TRERF1: variants seen among roughly 807,000 people sequenced by gnomAD.
TRERF1 encodes the protein transcriptional-regulating factor 1.
A neutral mutation model predicts 122.9 loss-of-function variants in TRERF1; 27 were observed. The ratio of observed to expected loss-of-function variants is 0.22; its 90% CI spans 0.16 to 0.30. The LOEUF (loss-of-function observed/expected upper bound fraction) is 0.30. Among genes scored for constraint, TRERF1 ranks in the 10% least tolerant of loss-of-function variants. The pLI is 1.00. For missense variants in TRERF1, 1,248 were observed against 1,560.3 expected (o/e 0.80, Z 3.37); for synonymous variants, 636 against 641.7 (o/e 0.99, Z 0.13).
intron 3 of TRERF1, among the ~76,000 whole-genome samples, chr6:42,334,489 G>A (rs975727426): frequency 8.5e-5 from 13 of 152,190 alleles, no homozygotes; most frequent in East Asian, 3.8e-4. Flanking sequence ...AGGGCAAGTC[G>A]TGGTGATATT....
intron 2 of TRERF1, among the ~76,000 whole-genome samples, chr6:42,413,947 C>T (rs1168379622): frequency 2.0e-5 from 3 of 152,006 alleles, no homozygotes; most frequent in African/African-American, 4.8e-5. Flanking sequence ...GAAAATTTTT[C>T]GTGAAATTAA....
At chr6:42,317,475 C>T (rs1414408771) in intron 3 of TRERF1, among the ~76,000 whole-genome samples, 1 of 151,932 alleles carries the variant, frequency 6.6e-6, no homozygotes, top group East Asian at 1.9e-4. Context: ...CCACCTCAAC[C>T]TCTCAAGAAG....
chr6:42,354,155 T>C (rs1299075344), intron 3 of TRERF1, among the ~76,000 whole-genome samples: 1 of 152,142 alleles, frequency 6.6e-6, no homozygotes, highest in Non-Finnish European at 1.5e-5. Context: ...AGGGTGATTG[T>C]GTCAGTGCTT....
intron 2 of TRERF1, among the ~76,000 whole-genome samples, chr6:42,399,897 A>G (rs904927939): frequency 1.3e-5 from 2 of 151,916 alleles, no homozygotes; most frequent in African/African-American, 4.8e-5. Context: ...GAATGGAGAA[A>G]GTCACTTTTG....
At chr6:42,285,934 C>T (rs1783136832) in intron 4 of TRERF1, among the ~76,000 whole-genome samples, 1 of 150,914 alleles carries the variant, frequency 6.6e-6, no homozygotes, top group South Asian at 2.1e-4. Flanking sequence ...GGTACTGGTA[C>T]CAAAACAGAG....
At chr6:42,265,949 C>A in intron 5 of TRERF1, 152 bp from the exon 6 acceptor site, 1 of 767,646 alleles carries the variant, frequency 1.3e-6, no homozygotes, top group African/African-American at 1.7e-5. Context: ...CCACTCACTC[C>A]CTCACTCTTC....
intron 2 of TRERF1, among the ~76,000 whole-genome samples, chr6:42,433,566 C>T (rs1440781131): frequency 6.6e-6 from 1 of 152,156 alleles, no homozygotes; most frequent in African/African-American, 2.4e-5. Flanking sequence ...AATATACCAG[C>T]CTTAACTGAG....
intron 17 of TRERF1, among the ~76,000 whole-genome samples, chr6:42,229,279 A>G (rs931152271): frequency 6.6e-6 from 1 of 152,164 alleles, no homozygotes; most frequent in African/African-American, 2.4e-5. Flanking sequence ...CTAGGACTAC[A>G]GGTACATACC....
At chr6:42,382,036 T>C (rs1256762662) in intron 2 of TRERF1, among the ~76,000 whole-genome samples, 1 of 151,880 alleles carries the variant, frequency 6.6e-6, no homozygotes, top group Non-Finnish European at 1.5e-5. Flanking sequence ...GTGCTAATAG[T>C]ATTCCCATTT....
Position 42,268,649 on chromosome 6 carries a change from C to T in TRERF1, c.942G>A (p.Leu314=). The T allele has an allele frequency of 6.2e-7, 1 of 1,614,154 alleles. No homozygotes were observed. The highest frequency in any genetic ancestry group is 1.1e-5 in the South Asian group (1 of 91,090). ...TCTGCATTGAACCCTGCCGCTGCTGCAGCTGTAGCTGCTGCGGCTGCTGCT... is the reference window on the plus strand; with the variant it reads ...TCTGCATTGAACCCTGCCGCTGCTGTAGCTGTAGCTGCTGCGGCTGCTGCT... Residue 314 remains leucine, a synonymous_variant, in exon 5 of 18, where the codon CTG becomes CTA. Coordinates refer to ENST00000372922, the Ensembl canonical transcript of TRERF1. This position sits in a 1 kb window ranked among gnomAD's most constrained non-coding sequence, Gnocchi z 4.4.
intron 8 of TRERF1, among the ~76,000 whole-genome samples, chr6:42,262,220 AGGACTTGATATTAC>A: frequency 6.6e-6 from 1 of 151,956 alleles, no homozygotes; most frequent in Non-Finnish European, 1.5e-5. Context: ...TCTTCTTTTG[AGGACTTGATATTAC>A]ACCATAAAGG....
chr6:42,240,020 C>T (rs1368972330), intron 15 of TRERF1, among the ~76,000 whole-genome samples: 5 of 152,014 alleles, frequency 3.3e-5, no homozygotes, highest in Non-Finnish European at 5.9e-5. Context: ...CTCTTACCCT[C>T]TCCTCCTTAA....
intron 10 of TRERF1, 92 bp downstream of exon 10, chr6:42,258,043 C>T (rs1352015347): frequency 9.3e-7 from 1 of 1,077,210 alleles, no homozygotes; most frequent in Non-Finnish European, 1.4e-6. Context: ...TACAACTGCT[C>T]TCTCAGTGTA....
At chr6:42,408,931 A>C (rs1470549803) in intron 2 of TRERF1, among the ~76,000 whole-genome samples, 1 of 152,118 alleles carries the variant, frequency 6.6e-6, no homozygotes, top group Non-Finnish European at 1.5e-5. Flanking sequence ...GTTTTTCCCA[A>C]GAGCTATTTA....
At position 42,394,309 on chromosome 6, in the gene TRERF1, G is replaced by A. The variant is rs573916274; in HGVS notation, c.-453-31230C>T. Among the ~76,000 whole-genome samples the A allele has an allele frequency of 4.6e-5, 7 of 152,166 alleles. No homozygotes were observed. The South Asian group carries it at 1.2e-3, about 27-fold the overall frequency. ...ATCCCCGTGCCTCCTCCGTCAGCAGGCTATCCTGTCTACACCCTCCCCTGA... is the reference window on the plus strand; with the variant it reads ...ATCCCCGTGCCTCCTCCGTCAGCAGACTATCCTGTCTACACCCTCCCCTGA... On this transcript the variant is annotated intron_variant, in intron 2 of 17. Transcript: ENST00000372922.
intron 4 of TRERF1, among the ~76,000 whole-genome samples, chr6:42,272,185 T>C (rs1780332542): frequency 6.6e-6 from 1 of 152,204 alleles, no homozygotes; most frequent in Admixed American, 6.5e-5. Context: ...AAAGATTCTT[T>C]TAGGGAGGAT....
At chr6:42,334,069 G>GCACATA (rs1728540380) in intron 3 of TRERF1, among the ~76,000 whole-genome samples, 1 of 151,250 alleles carries the variant, frequency 6.6e-6, no homozygotes, top group African/African-American at 2.4e-5. Flanking sequence ...ATATACACAT[G>GCACATA]CACATACACA....
At chr6:42,425,693 G>C (rs537095581) in intron 2 of TRERF1, among the ~76,000 whole-genome samples, 2 of 151,938 alleles carry the variant, frequency 1.3e-5, no homozygotes, top group East Asian at 3.9e-4. Flanking sequence ...ACAGGTGCCA[G>C]CCACCACGCC....
chr6:42,340,133 C>A (rs1020882912), intron 3 of TRERF1, among the ~76,000 whole-genome samples: 1 of 152,194 alleles, frequency 6.6e-6, no homozygotes, highest in African/African-American at 2.4e-5. Flanking sequence ...TTGCCAGTCA[C>A]AACCAAACAA....
Sources: allele counts gnomAD v4.1 joint callset (sites outside exome capture counted in the v4.1 genomes callset), GRCh38; gene constraint gnomAD v4.1.1; non-coding constraint Gnocchi (gnomAD v3.1); transcripts MANE v1.5; gene names NCBI Gene and HGNC (gene_info 2026-07-23, HGNC 2026-07-21).